The following SPOP variants were observed in gnomAD, a reference collection of about 807,000 sequenced individuals.
SPOP encodes the protein speckle-type POZ protein.
SPOP carries 11 observed loss-of-function variants against 45.6 expected under a neutral mutation model. That is an observed-to-expected ratio of 0.24 (90% CI 0.15 to 0.40). The LOEUF (loss-of-function observed/expected upper bound fraction) is 0.40. SPOP is among the 10% of genes least tolerant of loss of function. The pLI, the probability that SPOP is intolerant of heterozygous loss-of-function variation, is 1.00. For missense variants in SPOP, 152 were observed against 465.6 expected (o/e 0.33, Z 6.20); for synonymous variants, 166 against 166.3 (o/e 1.00, Z 0.01).
At chr17:49,604,532 C>A (rs1416608671) in intron 8 of SPOP, among the ~76,000 whole-genome samples, 1 of 152,204 alleles carries the variant, frequency 6.6e-6, no homozygotes, top group Non-Finnish European at 1.5e-5. Context: ...CCCTGGAAGG[C>A]TCTTGTGTCC....
intron 6 of SPOP, among the ~76,000 whole-genome samples, chr17:49,610,687 T>C (rs1052775984): frequency 2.0e-5 from 3 of 152,184 alleles, no homozygotes; most frequent in South Asian, 2.1e-4. Flanking sequence ...TTAGGTCTTA[T>C]GGTCTTAAGA....
intron 1 of SPOP, among the ~76,000 whole-genome samples, chr17:49,628,713 C>T (rs1054275314): frequency 9.9e-5 from 15 of 152,146 alleles, no homozygotes; most frequent in Non-Finnish European, 2.1e-4. Flanking sequence ...AAATCCAAAA[C>T]ACTCTGGTCC....
chr17:49,657,145 G>A (rs1597973879), intron 1 of SPOP, among the ~76,000 whole-genome samples: 1 of 151,022 alleles, frequency 6.6e-6, no homozygotes. Flanking sequence ...AGATTGCGCC[G>A]AGATTGCGCC....
chr17:49,603,684 A>G (rs2071781720), intron 8 of SPOP, among the ~76,000 whole-genome samples: 1 of 152,254 alleles, frequency 6.6e-6, no homozygotes, highest in Non-Finnish European at 1.5e-5. Flanking sequence ...CTGTTTTCCT[A>G]AAACTCACGA....
intron 1 of SPOP, among the ~76,000 whole-genome samples, chr17:49,661,936 TGGGAAGGCGGA>T (rs2072993178): frequency 7.2e-6 from 1 of 138,430 alleles, no homozygotes; most frequent in Non-Finnish European, 1.5e-5. Context: ...TCACTTGAAC[TGGGAAGGCGGA>T]GGTTGCGGTG....
chr17:49,623,539 A>G (rs2072262853), intron 1 of SPOP, among the ~76,000 whole-genome samples: 1 of 151,974 alleles, frequency 6.6e-6, no homozygotes, highest in South Asian at 2.1e-4. Context: ...GGGTAAAAAT[A>G]CTCTACTCCT....
chr17:49,673,924 A>G (rs1204186074), intron 1 of SPOP, among the ~76,000 whole-genome samples: 1 of 152,216 alleles, frequency 6.6e-6, no homozygotes, highest in Non-Finnish European at 1.5e-5. Context: ...AGGCAGGCAG[A>G]TCATCTGAGG....
chr17:49,655,750 T>C (rs1298113527), intron 1 of SPOP, among the ~76,000 whole-genome samples: 1 of 152,158 alleles, frequency 6.6e-6, no homozygotes, highest in Non-Finnish European at 1.5e-5. Context: ...ATATAATAAT[T>C]TCTCTCGATC....
At chr17:49,611,935 T>G (rs904524065) in intron 5 of SPOP, among the ~76,000 whole-genome samples, 3 of 150,382 alleles carry the variant, frequency 2.0e-5, no homozygotes, top group Non-Finnish European at 4.4e-5. Flanking sequence ...CAGGATGGAG[T>G]CCAGTAGCAT....
intron 1 of SPOP, among the ~76,000 whole-genome samples, chr17:49,668,266 T>A (rs1312741801): frequency 6.6e-6 from 1 of 152,174 alleles, no homozygotes; most frequent in East Asian, 1.9e-4. Context: ...GATTGTTTAT[T>A]ATGTGTAATA....
intron 1 of SPOP, among the ~76,000 whole-genome samples, chr17:49,666,731 G>A (rs1261507406): frequency 6.6e-6 from 1 of 152,144 alleles, no homozygotes; most frequent in Non-Finnish European, 1.5e-5. Flanking sequence ...GAGAGGCTGA[G>A]GCAGGAGAAT....
chr17:49,660,591 T>C (rs2143529497), intron 1 of SPOP, among the ~76,000 whole-genome samples: 1 of 152,276 alleles, frequency 6.6e-6, no homozygotes, highest in African/African-American at 2.4e-5. Context: ...ACATAACTGG[T>C]ACCCAATTAA....
At chr17:49,666,898 G>A (rs1384632217) in intron 1 of SPOP, among the ~76,000 whole-genome samples, 3 of 152,176 alleles carry the variant, frequency 2.0e-5, no homozygotes, top group Admixed American at 1.3e-4. Flanking sequence ...AAATTAAAGG[G>A]CTGGGCGTGG....
Position 49,608,701 on chromosome 17 carries a change from C to T in SPOP, c.659-772G>A, listed in dbSNP as rs540989505. On this transcript the variant is annotated intron_variant, in intron 6 of 9. Coordinates refer to ENST00000504102, the MANE Select transcript of SPOP (RefSeq NM_001007228.2). ...CCATGAAAAATAATAATCTCAACCA[C>T]GAAAAGTAATAGAATGGCTAAGAAC... Among the ~76,000 whole-genome samples, 4 of 152,198 alleles carry T rather than the reference C, an allele frequency of 2.6e-5. No individual in the cohort carries two copies. The South Asian group carries it at 6.2e-4, about 24-fold the overall frequency.
At chr17:49,676,328 C>G (rs1385053149) in intron 1 of SPOP, among the ~76,000 whole-genome samples, 1 of 152,092 alleles carries the variant, frequency 6.6e-6, no homozygotes, top group Non-Finnish European at 1.5e-5. Flanking sequence ...GATATATGCA[C>G]CCCAAATTTC....
intron 1 of SPOP, among the ~76,000 whole-genome samples, chr17:49,637,781 A>G (rs746523109): frequency 6.6e-6 from 1 of 152,268 alleles, no homozygotes; most frequent in Non-Finnish European, 1.5e-5. Context: ...AAGAATTATT[A>G]TAAGTTTTTA....
chr17:49,648,143 A>G (rs2072789272), intron 1 of SPOP, among the ~76,000 whole-genome samples: 1 of 152,166 alleles, frequency 6.6e-6, no homozygotes. Context: ...TCCAAGCCAG[A>G]GTTTTCTCAC....
In SPOP at chr17:49,677,963, C is replaced by G. The variant is rs2073227202; in HGVS notation, c.-97G>C. ...AGCGGCGGCGACAGCTGCTGGTCCC[C>G]GTCCCCCTGCGCTTGCCTCATACTG... On this transcript the variant is annotated 5_prime_UTR_variant, in exon 1 of 10. Transcript: ENST00000504102. 5.1e-6 allele frequency: 2 copies of G among 395,818 alleles called. No homozygotes were observed. Among genetic ancestry groups the G allele is most frequent in the Admixed American group, 4.4e-5 (1 of 22,552 alleles). The allele number at this position is 395,818 out of a possible 1,614,324, so 24.5% of individuals were successfully genotyped here. A position where few individuals can be genotyped will look rare whatever the true frequency, so the allele number is the denominator to read the frequency against.
At chr17:49,612,532 T>C (rs2071996021) in intron 5 of SPOP, among the ~76,000 whole-genome samples, 1 of 152,232 alleles carries the variant, frequency 6.6e-6, no homozygotes. Flanking sequence ...CAGAAGCATG[T>C]TTTAACCAGT....
Sources: allele counts gnomAD v4.1 joint callset (sites outside exome capture counted in the v4.1 genomes callset), GRCh38; gene constraint gnomAD v4.1.1; transcripts MANE v1.5; gene names NCBI Gene and HGNC (gene_info 2026-07-23, HGNC 2026-07-21).